Variants in PKIB observed in about 807,000 individuals in gnomAD.
PKIB encodes cAMP-dependent protein kinase inhibitor beta.
PKIB carries 2 observed loss-of-function variants against 4.5 expected under a neutral mutation model. The observed-to-expected ratio is 0.44, with a 90% CI of 0.18 to 1.39. The LOEUF (loss-of-function observed/expected upper bound fraction) is 1.39. Ranked by LOEUF, PKIB falls within the 40% of genes most tolerant of loss-of-function variation. The pLI, the probability that PKIB is intolerant of heterozygous loss-of-function variation, is 0.27. For missense variants in PKIB, 94 were observed against 92.6 expected (o/e 1.02, Z -0.06); for synonymous variants, 38 against 36.0 (o/e 1.06, Z -0.20).
intron 2 of PKIB, among the ~76,000 whole-genome samples, chr6:122,524,539 G>T (rs1353564569): frequency 6.6e-6 from 1 of 152,074 alleles, no homozygotes; most frequent in Non-Finnish European, 1.5e-5. Context: ...TTTTGGAAAA[G>T]TTTTAAAAGA....
rs190000544 is a variant in PKIB at position 122,624,248 on chromosome 6, A to G, written c.-160-9035A>G. ...ATAATGGTATGATGAAAGAATGCAAAAGGTTGAATATTACAAAATCATTTA... is the reference window on the plus strand; with the variant it reads ...ATAATGGTATGATGAAAGAATGCAAGAGGTTGAATATTACAAAATCATTTA... On this transcript the variant is annotated intron_variant, in intron 1 of 4. Transcript: ENST00000368452. 8.1e-4 allele frequency among the ~76,000 whole-genome samples: 123 copies of G among 152,336 alleles called. No homozygotes were observed. The East Asian group carries it at 9.4e-3, about 12-fold the overall frequency.
intron 2 of PKIB, among the ~76,000 whole-genome samples, chr6:122,564,108 A>G (rs1001215360): frequency 6.6e-6 from 1 of 152,164 alleles, no homozygotes; most frequent in African/African-American, 2.4e-5. Flanking sequence ...CAGACCTTCA[A>G]CTTTTCCAGT....
chr6:122,573,668 A>C (rs1430194957), intron 2 of PKIB, among the ~76,000 whole-genome samples: 1 of 152,222 alleles, frequency 6.6e-6, no homozygotes, highest in East Asian at 1.9e-4. Context: ...AGGATTAAAA[A>C]CAAAAATAAT....
intron 3 of PKIB, among the ~76,000 whole-genome samples, chr6:122,677,312 T>G (rs1027987493): frequency 2.6e-5 from 4 of 151,972 alleles, no homozygotes; most frequent in Middle Eastern, 3.4e-3. Flanking sequence ...TTGGAACTTG[T>G]TTTTTTTGTT....
At chr6:122,523,125 A>G (rs901484250) in intron 2 of PKIB, among the ~76,000 whole-genome samples, 4 of 152,150 alleles carry the variant, frequency 2.6e-5, no homozygotes, top group African/African-American at 7.2e-5. Flanking sequence ...TGGGCTTCTC[A>G]TAAATGGCCT....
At position 122,655,266 on chromosome 6, in the gene PKIB, A is replaced by G. The variant is rs186054189; in HGVS notation, c.-75-19812A>G. 3.6e-3 allele frequency among the ~76,000 whole-genome samples: 553 copies of G among 152,356 alleles called. 2 individuals carry two copies. The highest frequency in any genetic ancestry group is 0.012 in the African/African-American group (513 of 41,590). On this transcript the variant is annotated intron_variant, in intron 2 of 4. Transcript: ENST00000368452. Reference sequence around the variant, plus strand: ...ATGGTACCTGACTGCTAGAGACAGAATATTTGTGTTCTCCTCTCCACCTAA... The same window carrying G: ...ATGGTACCTGACTGCTAGAGACAGAGTATTTGTGTTCTCCTCTCCACCTAA...
intron 2 of PKIB, among the ~76,000 whole-genome samples, chr6:122,507,258 A>G (rs1232609552): frequency 6.6e-6 from 1 of 152,194 alleles, no homozygotes; most frequent in Non-Finnish European, 1.5e-5. Flanking sequence ...GGACACATTT[A>G]TTAACATTTA....
chr6:122,606,572 A>AAAAAAAAAAG (rs1774544608), upstream of PKIB, among the ~76,000 whole-genome samples: 1 of 1,654 alleles, frequency 6.0e-4, no homozygotes, highest in South Asian at 0.05. Context: ...ACTCTGTCTC[A>AAAAAAAAAAG]AAAAAGAAAA....
intron 2 of PKIB, among the ~76,000 whole-genome samples, chr6:122,641,953 A>G (rs951318087): frequency 6.6e-6 from 1 of 152,180 alleles, no homozygotes; most frequent in Non-Finnish European, 1.5e-5. Context: ...TCGGCCTCCC[A>G]AAGTGCTGGG....
chr6:122,662,287 CCTT>C (rs1364853669), intron 2 of PKIB, among the ~76,000 whole-genome samples: 1 of 94,322 alleles, frequency 1.1e-5, no homozygotes, highest in African/African-American at 3.8e-5. Flanking sequence ...CTTTCTCTCT[CCTT>C]CTTTCTTTCC....
chr6:122,704,267 T>A (rs141896488), intron 3 of PKIB, among the ~76,000 whole-genome samples: 3 of 152,190 alleles, frequency 2.0e-5, no homozygotes, highest in Middle Eastern at 3.4e-3. Context: ...TTTTATGCAG[T>A]CCACTGATTC....
intron 2 of PKIB, among the ~76,000 whole-genome samples, chr6:122,495,061 C>T (rs1371253520): frequency 1.3e-5 from 2 of 152,198 alleles, no homozygotes; most frequent in African/African-American, 2.4e-5. Context: ...GCCAGACTGC[C>T]CTGCTATTTC....
chr6:122,648,291 A>T (rs1776404676), intron 2 of PKIB, among the ~76,000 whole-genome samples: 1 of 152,228 alleles, frequency 6.6e-6, no homozygotes, highest in Non-Finnish European at 1.5e-5. Flanking sequence ...TGCTAAGTGT[A>T]ATAATTAGTG....
intron 2 of PKIB, among the ~76,000 whole-genome samples, chr6:122,564,061 C>T (rs1773109938): frequency 6.6e-6 from 1 of 152,194 alleles, no homozygotes; most frequent in South Asian, 2.1e-4. Flanking sequence ...TCTAAATTGG[C>T]TCAGCTCCAG....
chr6:122,683,801 A>G (rs1413495116), intron 3 of PKIB, among the ~76,000 whole-genome samples: 2 of 152,156 alleles, frequency 1.3e-5, no homozygotes, highest in Non-Finnish European at 2.9e-5. Context: ...TAGACCTTAC[A>G]ATCAGAAACT....
At chr6:122,637,750 G>A (rs1244533797) in intron 2 of PKIB, among the ~76,000 whole-genome samples, 13 of 125,086 alleles carry the variant, frequency 1.0e-4, no homozygotes, top group African/African-American at 5.7e-5. Context: ...GCAAGACTCC[G>A]TCTCAAAAAA....
intron 2 of PKIB, among the ~76,000 whole-genome samples, chr6:122,502,631 C>T (rs1042625195): frequency 6.6e-6 from 1 of 152,236 alleles, no homozygotes; most frequent in African/African-American, 2.4e-5. Context: ...TCAATCACCT[C>T]CCACTAGGCC....
At position 122,595,835 on chromosome 6, in the gene PKIB, GA is replaced by G. The variant is rs541464983; in HGVS notation, c.-161+9833del. On this transcript the variant is annotated intron_variant, in intron 3 of 6. Coordinates refer to the PKIB transcript ENST00000392491. ...TTGGACGATGACAGGGGTGGCTGGG[GA>G]AAAAGGCTGAGTGGTGTCCACAGAA... Among the ~76,000 whole-genome samples the G allele has an allele frequency of 4.6e-5, 7 of 152,240 alleles. 2 individuals carry two copies. In the South Asian group the frequency reaches 1.5e-3, roughly 32 times the overall value.
chr6:122,510,810 C>G (rs762687292), intron 2 of PKIB, among the ~76,000 whole-genome samples: 2 of 152,110 alleles, frequency 1.3e-5, no homozygotes, highest in Admixed American at 6.5e-5. Context: ...TGTTCCTTCA[C>G]TGTAATGAAT....
Sources: allele counts gnomAD v4.1 joint callset (sites outside exome capture counted in the v4.1 genomes callset), GRCh38; gene constraint gnomAD v4.1.1; transcripts MANE v1.5; gene names NCBI Gene and HGNC (gene_info 2026-07-23, HGNC 2026-07-21).